APEH: variants seen among roughly 807,000 people sequenced by gnomAD.
The protein encoded by APEH is acylaminoacyl-peptide hydrolase, also known as acylamino-acid-releasing enzyme.
APEH carries 75 observed loss-of-function variants against 102.7 expected under a neutral mutation model. The ratio of observed to expected loss-of-function variants is 0.73; its 90% CI spans 0.61 to 0.89. The LOEUF is 0.89. Among genes scored for constraint, APEH ranks in the 40% least tolerant of loss-of-function variants. The pLI, the probability that APEH is intolerant of heterozygous loss-of-function variation, is 0.00. For synonymous variants in APEH, 344 were observed against 362.7 expected, an observed-to-expected ratio of 0.95 and a Z score of 0.59; for missense variants, 863 against 941.2, an observed-to-expected ratio of 0.92 and a Z score of 1.09.
Position 49,675,944 on chromosome 3 carries a change from A to G in APEH, c.420A>G (p.Lys140=). The change falls in exon 5 of 22, where the codon AAA becomes AAG. Residue 140 remains lysine, a synonymous_variant. Coordinates refer to ENST00000296456, the MANE Select transcript of APEH (RefSeq NM_001640.4). ...LKSFNLSALE[K]HGPVYEDDCF... ...GCTTCAACCTGTCAGCGCTGGAGAA[A>G]CATGGGCCTGTTTATGAGGATGGTG... 6.2e-7 allele frequency: 1 copy of G among 1,614,236 alleles called. No homozygotes were observed. Among genetic ancestry groups the G allele is most frequent in the Non-Finnish European group, 8.5e-7 (1 of 1,180,038 alleles).
intron 11 of APEH, among the ~76,000 whole-genome samples, chr3:49,678,029 G>A (rs150217788): frequency 1.3e-5 from 2 of 152,266 alleles, no homozygotes; most frequent in East Asian, 1.9e-4. Context: ...CTCTGGACCC[G>A]AGGGCATGAT....
chr3:49,674,252 G>A, upstream of APEH: 1 of 1,039,458 alleles, frequency 9.6e-7, no homozygotes, highest in Non-Finnish European at 1.4e-6. Context: ...CCTGCCAACG[G>A]TCCTCACCCA....
Position 49,681,770 on chromosome 3 carries a change from A to G in APEH, c.1487A>G (p.Asp496Gly). ...AILLQPGSPP[D>G]KTQVPMVVMP... is the part of the protein sequence containing the mutation. ...CTGCTGCAGCCTGGCAGCCCTCCAG[A>G]TAAGACCCAAGTGCCCATGGTGGTC... The change falls in exon 16 of 22, where the codon GAT becomes GGT. Residue 496 changes from aspartate to glycine, a missense_variant. Coordinates refer to ENST00000296456, the MANE Select transcript of APEH (RefSeq NM_001640.4). 6.2e-7 allele frequency: 1 copy of G among 1,609,996 alleles called. No individual in the cohort carries two copies. Among genetic ancestry groups the G allele is most frequent in the Non-Finnish European group, 8.5e-7 (1 of 1,177,516 alleles).
upstream of APEH, chr3:49,674,203 C>T (rs377217678): frequency 4.5e-6 from 3 of 673,704 alleles, no homozygotes; most frequent in Non-Finnish European, 4.8e-6. Flanking sequence ...CAGGACTTCT[C>T]GCTCCCAGGC....
chr3:49,675,757 G>A lies in APEH; in HGVS notation c.336G>A (p.Thr112=), dbSNP rs752355418. ...CTGTGCTGCGCAAGGCTGGAGGCAC[G>A]GGCCCTGGGGAAGAGAAGCAGTTCC... ...MKAVLRKAGG[T]GPGEEKQFLE... is the part of the protein sequence containing the mutation. Residue 112 remains threonine (T), a synonymous_variant, in exon 4 of 22, where the codon ACG becomes ACA. Coordinates refer to ENST00000296456, the MANE Select transcript of APEH (RefSeq NM_001640.4). 12 of 1,613,938 alleles carry A rather than the reference G, an allele frequency of 7.4e-6. No homozygotes were observed. The African/African-American group carries it at 9.3e-5, about 13-fold the overall frequency.
chr3:49,681,649 TG>T (rs1443192028), intron 15 of APEH, 72 bp from the exon 16 acceptor site: 3 of 1,349,024 alleles, frequency 2.2e-6, no homozygotes, highest in Non-Finnish European at 3.0e-6. Flanking sequence ...GCCCCACACC[TG>T]CAGCTAGAGA....
At position 49,674,560 on chromosome 3, in the gene APEH, C is replaced by T. The variant is rs1215354860; in HGVS notation, c.84C>T (p.Ala28=). The T allele has an allele frequency of 1.3e-6, 2 of 1,567,430 alleles. No individual in the cohort carries two copies. The highest frequency in any genetic ancestry group is 1.3e-5 in the African/African-American group (1 of 74,782). ...TTAGCCGCCAGCCCGCGCTGAGCGCCGCCTGCCTGGGCCCGGAGGTCACCA... is the reference window on the plus strand; with the variant it reads ...TTAGCCGCCAGCCCGCGCTGAGCGCTGCCTGCCTGGGCCCGGAGGTCACCA... ...RGLSRQPALS[A]ACLGPEVTTQ... Residue 28 remains alanine, a synonymous_variant, in exon 2 of 22, where the codon GCC becomes GCT. Coordinates refer to ENST00000296456, the MANE Select transcript of APEH (RefSeq NM_001640.4).
At position 49,683,525 on chromosome 3, in the gene APEH, T is replaced by C; in HGVS notation, c.*183T>C. ...CAGAGCCTGGTTCCTGCTGGTACTT[T>C]GTACCAAACCATCCCCAACCCCACC... On this transcript the variant is annotated 3_prime_UTR_variant, in exon 22 of 22. Transcript: ENST00000296456. 1.7e-6 allele frequency: 1 copy of C among 603,058 alleles called. No individual in the cohort carries two copies. The highest frequency in any genetic ancestry group is 2.9e-5 in the Admixed American group (1 of 34,824). 37.4% of individuals were successfully genotyped at this position (603,058 alleles called of 1,614,324 possible).
Position 49,680,769 on chromosome 3 carries a change from T to G in APEH, c.1299+140T>G, listed in dbSNP as rs981816002. Reference sequence around the variant, plus strand: ...AAGACACAGGCCCAGCTTGGCATGGTCCATGAGGGTTTGGCACTCACAGGG... The same window carrying G: ...AAGACACAGGCCCAGCTTGGCATGGGCCATGAGGGTTTGGCACTCACAGGG... On this transcript the variant is annotated intron_variant, in intron 14 of 21. Transcript: ENST00000296456. 1.0e-5 allele frequency: 8 copies of G among 791,760 alleles called. No individual in the cohort carries two copies. The African/African-American group carries it at 1.4e-4, about 14-fold the overall frequency. 49.0% of individuals were successfully genotyped at this position (791,760 alleles called of 1,614,324 possible).
rs2052966007 is a variant in APEH at position 49,675,164 on chromosome 3, C to T, written c.146-19C>T. 1 of 1,613,414 alleles carries T rather than the reference C, an allele frequency of 6.2e-7. No individual in the cohort carries two copies. Among genetic ancestry groups the T allele is most frequent in the Admixed American group, 1.7e-5 (1 of 59,980 alleles). ...GAGTAGCCAAGACAAGGTGAGCAGTCTCATGCCTCCCCTCACAGAGTGGAC... is the reference window on the plus strand; with the variant it reads ...GAGTAGCCAAGACAAGGTGAGCAGTTTCATGCCTCCCCTCACAGAGTGGAC... On this transcript the variant is annotated intron_variant, in intron 2 of 21. Coordinates refer to ENST00000296456, the MANE Select transcript of APEH (RefSeq NM_001640.4).
upstream of APEH, among the ~76,000 whole-genome samples, chr3:49,673,702 G>C (rs981757208): frequency 6.6e-6 from 1 of 152,156 alleles, no homozygotes; most frequent in Admixed American, 6.5e-5. Flanking sequence ...ACTGTGTAGT[G>C]AATGTCGGCC....
chr3:49,677,666 GGCCTGT>G, intron 11 of APEH, 33 bp downstream of exon 11: 3 of 1,578,620 alleles, frequency 1.9e-6, no homozygotes, highest in Non-Finnish European at 2.6e-6. Flanking sequence ...GGTGCAGTGG[GGCCTGT>G]AGCTCTGCTT....
In APEH at chr3:49,679,434, A is replaced by G. The variant is rs1330929196; in HGVS notation, c.1159-159A>G. Among the ~76,000 whole-genome samples, 1 of 152,196 alleles carries G rather than the reference A, an allele frequency of 6.6e-6. No individual in the cohort carries two copies. The highest frequency in any genetic ancestry group is 2.4e-5 in the African/African-American group (1 of 41,432). Reference sequence around the variant, plus strand: ...CTGGGATTTGAACCCAGGCCCTCACACTACTCCCTACTGCACTGAGTAACC... The same window carrying G: ...CTGGGATTTGAACCCAGGCCCTCACGCTACTCCCTACTGCACTGAGTAACC... On this transcript the variant is annotated intron_variant, in intron 12 of 21. Transcript: ENST00000296456. This position sits in a 1 kb window ranked among gnomAD's most constrained non-coding sequence, Gnocchi z 4.3.
intron 3 of APEH, 183 bp downstream of exon 3, chr3:49,675,492 G>T: frequency 9.6e-7 from 1 of 1,036,824 alleles, no homozygotes; most frequent in Non-Finnish European, 1.4e-6. Context: ...AACTCAGCCT[G>T]GACTAGAGCC....
rs1420274613 is a variant in APEH at position 49,674,363 on chromosome 3, G to A, written c.-39G>A. Reference sequence around the variant, plus strand: ...CCCCGGAAGCCTCACTTCCGGGCGCGAGCACGCCCCGCCTCGCCCCGGCGG... The same window carrying A: ...CCCCGGAAGCCTCACTTCCGGGCGCAAGCACGCCCCGCCTCGCCCCGGCGG... On this transcript the variant is annotated 5_prime_UTR_variant, in exon 1 of 22. Transcript: ENST00000296456. The A allele has an allele frequency of 3.9e-6, 6 of 1,546,834 alleles. No individual in the cohort carries two copies. Among genetic ancestry groups the A allele is most frequent in the African/African-American group, 1.4e-5 (1 of 73,430 alleles).
rs769586855 is a variant in APEH at position 49,674,409 on chromosome 3, G to A, written c.8G>A (p.Arg3His). The A allele has an allele frequency of 3.8e-6, 6 of 1,576,218 alleles. No homozygotes were observed. The South Asian group carries it at 4.6e-5, about 12-fold the overall frequency. Residue 3 changes from arginine (R) to histidine (H), a missense_variant, in exon 1 of 22, where the codon CGT becomes CAT. Transcript: ENST00000296456. ME[R>H]QVLLSEPEEA... ...GGCGGCAGAGAGGAGACTATGGAAC[G>A]TCAGGTGAGGGCTCGGCCCGCGGTC...
chr3:49,682,654 C>G lies in APEH; in HGVS notation c.1801C>G (p.Pro601Ala). 6.2e-7 allele frequency: 1 copy of G among 1,614,054 alleles called. No individual in the cohort carries two copies. Among genetic ancestry groups the G allele is most frequent in the South Asian group, 1.1e-5 (1 of 91,082 alleles). ...FISCHLIGQY[P>A]ETYRACVARN... ...TTCCTGCCACTTGATTGGTCAGTACCCAGAGACCTACAGGGCCTGCGTGGC... is the reference window on the plus strand; with the variant it reads ...TTCCTGCCACTTGATTGGTCAGTACGCAGAGACCTACAGGGCCTGCGTGGC... The change falls in exon 19 of 22, where the codon CCA becomes GCA. Residue 601 changes from proline to alanine, a missense_variant. Pro to Ala is a conservative substitution (Grantham distance 27, BLOSUM62 -1). Coordinates refer to ENST00000296456, the MANE Select transcript of APEH (RefSeq NM_001640.4).
At chr3:49,674,962 T>A (rs2052956159) in intron 2 of APEH, among the ~76,000 whole-genome samples, 1 of 152,082 alleles carries the variant, frequency 6.6e-6, no homozygotes, top group Admixed American at 6.5e-5. Context: ...ATGCTGGGGT[T>A]ACTAGGGGGT....
In APEH at chr3:49,683,518, G is replaced by A; in HGVS notation, c.*176G>A. 4.8e-6 allele frequency: 3 copies of A among 618,598 alleles called. No homozygotes were observed. Among genetic ancestry groups the A allele is most frequent in the Non-Finnish European group, 5.7e-6 (2 of 353,184 alleles). The allele number at this position is 618,598 out of a possible 1,614,324, so 38.3% of individuals were successfully genotyped here. A position where few individuals can be genotyped will look rare whatever the true frequency, so the allele number is the denominator to read the frequency against. On this transcript the variant is annotated 3_prime_UTR_variant, in exon 22 of 22. Coordinates refer to ENST00000296456, the MANE Select transcript of APEH (RefSeq NM_001640.4). ...TAGGACACAGAGCCTGGTTCCTGCT[G>A]GTACTTTGTACCAAACCATCCCCAA... is the stretch of plus-strand genomic sequence containing the variant.
Sources: allele counts gnomAD v4.1 joint callset (sites outside exome capture counted in the v4.1 genomes callset), GRCh38; gene constraint gnomAD v4.1.1; non-coding constraint Gnocchi (gnomAD v3.1); transcripts MANE v1.5; gene names NCBI Gene and HGNC (gene_info 2026-07-23, HGNC 2026-07-21).